Variants in CLEC6A observed in about 807,000 individuals in gnomAD.
CLEC6A encodes C-type lectin domain family 6 member A.
A neutral mutation model predicts 25.7 loss-of-function variants in CLEC6A; 22 were observed. The ratio of observed to expected loss-of-function variants is 0.85; its 90% CI spans 0.61 to 1.22. The LOEUF (loss-of-function observed/expected upper bound fraction) is 1.22. Ranked by LOEUF, CLEC6A falls within the 50% of genes most tolerant of loss-of-function variation. The pLI is 0.00. For synonymous variants in CLEC6A, 92 were observed against 76.7 expected (o/e 1.20, Z -1.04); for missense variants, 240 against 236.8 (o/e 1.01, Z -0.09).
Position 8,456,123 on chromosome 12 carries a change from G to A in CLEC6A, c.12G>A (p.Glu4=). 1 of 1,613,878 alleles carries A rather than the reference G, an allele frequency of 6.2e-7. No individual in the cohort carries two copies. Among genetic ancestry groups the A allele is most frequent in the African/African-American group, 1.3e-5 (1 of 75,008 alleles). ...AGGGAGCCTGCATAATGATGCAAGA[G>A]CAGCAACCTCAAAGTACAGGTGAGT... MMQ[E]QQPQSTEKRG... Residue 4 remains glutamate (E), a synonymous_variant, in exon 1 of 6, where the codon GAG becomes GAA. Coordinates refer to ENST00000382073, the MANE Select transcript of CLEC6A (RefSeq NM_001007033.2).
Position 8,476,182 on chromosome 12 carries a change from C to G in CLEC6A, c.427C>G (p.Pro143Ala), listed in dbSNP as rs373627140. Residue 143 changes from proline to alanine, a missense_variant, in exon 5 of 6, where the codon CCA becomes GCA. Coordinates refer to ENST00000382073, the MANE Select transcript of CLEC6A (RefSeq NM_001007033.2). ...TTCTTATTTTCTGGGGCTTTCAGACCCACAAGGTAATAATAATTGGCAATG... is the reference window on the plus strand; with the variant it reads ...TTCTTATTTTCTGGGGCTTTCAGACGCACAAGGTAATAATAATTGGCAATG... The part of the protein sequence containing the change: ...SFSYFLGLSD[P>A]QGNNNWQWID... 6.2e-7 allele frequency: 1 copy of G among 1,610,116 alleles called. No individual in the cohort carries two copies. The highest frequency in any genetic ancestry group is 8.5e-7 in the Non-Finnish European group (1 of 1,179,060).
chr12:8,460,338 C>G (rs1939736032), intron 3 of CLEC6A, among the ~76,000 whole-genome samples: 1 of 152,172 alleles, frequency 6.6e-6, no homozygotes, highest in East Asian at 1.9e-4. Flanking sequence ...CACATGGCAG[C>G]AGACAAGAGA....
intron 5 of CLEC6A, 96 bp from the exon 6 acceptor site, chr12:8,477,224 C>T (rs1939987339): frequency 3.2e-6 from 3 of 942,796 alleles, no homozygotes; most frequent in Admixed American, 5.2e-5. Flanking sequence ...GTTCTCTCTT[C>T]CTAAATCCCA....
At chr12:8,472,492 GT>G (rs1939919041) in intron 4 of CLEC6A, among the ~76,000 whole-genome samples, 2 of 152,170 alleles carry the variant, frequency 1.3e-5, no homozygotes, top group Non-Finnish European at 1.5e-5. Context: ...AGAGATGGGA[GT>G]TTTTTCTCTA....
intron 3 of CLEC6A, among the ~76,000 whole-genome samples, 164 bp downstream of exon 3, chr12:8,459,862 G>A (rs1030415106): frequency 5.9e-5 from 9 of 152,104 alleles, no homozygotes; most frequent in Admixed American, 6.5e-5. Flanking sequence ...TTCATATCAG[G>A]CTCTAGACAT....
chr12:8,461,904 A>T (rs1000191899), intron 3 of CLEC6A, among the ~76,000 whole-genome samples: 2 of 152,198 alleles, frequency 1.3e-5, no homozygotes, highest in Non-Finnish European at 2.9e-5. Flanking sequence ...TTTTGAAAAC[A>T]TATATGCCCT....
chr12:8,462,737 G>C (rs1393805319), intron 3 of CLEC6A, among the ~76,000 whole-genome samples: 1 of 151,776 alleles, frequency 6.6e-6, no homozygotes, highest in Non-Finnish European at 1.5e-5. Flanking sequence ...AAATACTAAG[G>C]GAACTCAGAG....
In CLEC6A at chr12:8,477,437, A is replaced by G. The variant is rs764185220; in HGVS notation, c.603A>G (p.Ile201Met). The G allele has an allele frequency of 1.9e-6, 3 of 1,609,750 alleles. No individual in the cohort carries two copies. Among genetic ancestry groups the G allele is most frequent in the Middle Eastern group, 1.7e-4 (1 of 6,040 alleles). The change falls in exon 6 of 6, where the codon ATA (isoleucine) becomes ATG (methionine). Residue 201 changes from isoleucine to methionine, a missense_variant. Coordinates refer to ENST00000382073, the MANE Select transcript of CLEC6A (RefSeq NM_001007033.2). ...DVICETRRNS[I>M]CEMNKIYL Reference sequence around the variant, plus strand: ...TCTGTGAAACTAGAAGGAATTCAATATGTGAGATGAATAAGATTTACCTAT... The same window carrying G: ...TCTGTGAAACTAGAAGGAATTCAATGTGTGAGATGAATAAGATTTACCTAT...
intron 4 of CLEC6A, among the ~76,000 whole-genome samples, chr12:8,466,660 TTG>T (rs2136361517): frequency 1.7e-5 from 1 of 59,072 alleles, no homozygotes; most frequent in South Asian, 8.8e-4. Context: ...AAGTGTTGTT[TTG>T]TTTTTTTTTT....
chr12:8,467,008 A>T (rs1328735477), intron 4 of CLEC6A, among the ~76,000 whole-genome samples: 3 of 152,156 alleles, frequency 2.0e-5, no homozygotes, highest in African/African-American at 7.2e-5. Context: ...AGAAATGTCT[A>T]TTCAAGTCCT....
At chr12:8,461,489 G>T (rs950508214) in intron 3 of CLEC6A, among the ~76,000 whole-genome samples, 12 of 152,202 alleles carry the variant, frequency 7.9e-5, no homozygotes, top group Non-Finnish European at 1.6e-4. Context: ...TATCCATCTG[G>T]CATAAGAGAC....
intron 3 of CLEC6A, among the ~76,000 whole-genome samples, chr12:8,462,776 C>T (rs1277264785): frequency 6.6e-6 from 1 of 152,040 alleles, no homozygotes; most frequent in Non-Finnish European, 1.5e-5. Context: ...ATGCTGAACG[C>T]TGGTTCCCTG....
intron 4 of CLEC6A, among the ~76,000 whole-genome samples, chr12:8,466,341 T>C (rs1473157676): frequency 2.0e-5 from 3 of 152,254 alleles, no homozygotes; most frequent in Non-Finnish European, 4.4e-5. Flanking sequence ...AATTGTGCAA[T>C]GAATGTGGGT....
intron 4 of CLEC6A, among the ~76,000 whole-genome samples, chr12:8,474,029 G>A (rs762997308): frequency 5.3e-5 from 8 of 152,032 alleles, no homozygotes; most frequent in Non-Finnish European, 8.8e-5. Flanking sequence ...TAGGTTGCCT[G>A]TTTGCTCCAT....
chr12:8,474,562 G>A (rs1939945669), intron 4 of CLEC6A, among the ~76,000 whole-genome samples: 1 of 152,048 alleles, frequency 6.6e-6, no homozygotes, highest in African/African-American at 2.4e-5. Flanking sequence ...TTAATACCAG[G>A]AAAACTTTCT....
intron 3 of CLEC6A, among the ~76,000 whole-genome samples, chr12:8,462,089 G>C (rs1039508385): frequency 3.9e-5 from 6 of 152,228 alleles, no homozygotes; most frequent in African/African-American, 9.6e-5. Flanking sequence ...TCTGAAACAC[G>C]TGCTGTGTCA....
chr12:8,476,872 C>T (rs1016286918), intron 5 of CLEC6A, among the ~76,000 whole-genome samples: 5 of 152,020 alleles, frequency 3.3e-5, no homozygotes, highest in Admixed American at 3.3e-4. Flanking sequence ...TTACCCAGAA[C>T]GTATTCCCTG....
chr12:8,460,810 C>T (rs919214199), intron 3 of CLEC6A: 13 of 1,207,930 alleles, frequency 1.1e-5, no homozygotes, highest in Admixed American at 1.7e-5. Flanking sequence ...ATATAGGATT[C>T]GTGTTAGCCC....
intron 1 of CLEC6A, 107 bp downstream of exon 1, chr12:8,456,249 C>A: frequency 1.9e-6 from 2 of 1,058,756 alleles, no homozygotes; most frequent in Non-Finnish European, 2.9e-6. Context: ...GTGATTGGAC[C>A]AATATAGTAG....
Sources: gnomAD v4.1 joint callset for allele counts (sites outside exome capture counted in the v4.1 genomes callset) on GRCh38, gnomAD v4.1.1 for gene constraint, MANE v1.5 for transcripts, NCBI Gene and HGNC (gene_info 2026-07-23, HGNC 2026-07-21) for gene names.